CFAP58: variants seen among roughly 807,000 people sequenced by gnomAD.
CFAP58 encodes cilia and flagella associated protein 58.
CFAP58 carries 88 observed loss-of-function variants against 119.5 expected under a neutral mutation model. That is an observed-to-expected ratio of 0.74 (90% CI 0.62 to 0.88). The LOEUF (loss-of-function observed/expected upper bound fraction) is 0.88. Ranked by LOEUF, CFAP58 falls within the 40% of genes least tolerant of loss-of-function variation. The probability of loss-of-function intolerance (pLI) is 0.00; values close to 1 mark genes in which losing one functional copy is unlikely to be tolerated. For synonymous variants in CFAP58, 365 were observed against 366.3 expected (o/e 1.00, Z 0.04); for missense variants, 990 against 1,021.2 (o/e 0.97, Z 0.42).
chr10:104,393,974 T>G (rs1348783627), intron 11 of CFAP58, among the ~76,000 whole-genome samples: 1 of 152,228 alleles, frequency 6.6e-6, no homozygotes, highest in African/African-American at 2.4e-5. Flanking sequence ...CTGTTCTCAC[T>G]TGGTTTACCC....
chr10:104,452,540 T>C (rs905202132), intron 17 of CFAP58, among the ~76,000 whole-genome samples: 1 of 152,222 alleles, frequency 6.6e-6, no homozygotes, highest in Non-Finnish European at 1.5e-5. Context: ...GCCCCAAAGT[T>C]TGATGGACAC....
At position 104,358,363 on chromosome 10, in the gene CFAP58, T is replaced by C. The variant is rs1227484461; in HGVS notation, c.32T>C (p.Leu11Pro). The C allele has an allele frequency of 6.2e-6, 10 of 1,613,160 alleles. No homozygotes were observed. Among genetic ancestry groups the C allele is most frequent in the Non-Finnish European group, 7.6e-6 (9 of 1,179,536 alleles). Residue 11 changes from leucine to proline, a missense_variant, in exon 2 of 18, where the codon CTG becomes CCG. Physicochemically the swap from Leu to Pro is moderately conservative, Grantham distance 98. Transcript: ENST00000369704. ...TAGGAAAAGGGTGGAAAGCAAGTCC[T>C]GGAAGAATCTGCATTTGAAGAAATG... MAEEKGGKQV[L>P]EESAFEEMER...
intron 15 of CFAP58, among the ~76,000 whole-genome samples, chr10:104,409,545 A>G (rs2012424808): frequency 6.6e-6 from 1 of 152,052 alleles, no homozygotes. Flanking sequence ...TACTTTTCCT[A>G]ATTTTCTGTC....
chr10:104,409,486 C>G (rs1182628991), intron 15 of CFAP58, among the ~76,000 whole-genome samples: 1 of 152,056 alleles, frequency 6.6e-6, no homozygotes, highest in East Asian at 1.9e-4. Context: ...GTTCAGTGTT[C>G]TCTGTTTGTT....
At chr10:104,438,369 T>TTTTTTTG (rs1564904881) in intron 15 of CFAP58, among the ~76,000 whole-genome samples, 1 of 127,974 alleles carries the variant, frequency 7.8e-6, no homozygotes, top group Non-Finnish European at 1.6e-5. Context: ...TTGTTTTTTT[T>TTTTTTTG]TTTTGTTTTT....
At chr10:104,416,884 A>C (rs1490791806) in intron 15 of CFAP58, among the ~76,000 whole-genome samples, 1 of 152,170 alleles carries the variant, frequency 6.6e-6, no homozygotes, top group East Asian at 1.9e-4. Flanking sequence ...TGGTGTAAGA[A>C]CACTGTGGTC....
chr10:104,360,552 G>C (rs2014652813), intron 2 of CFAP58, among the ~76,000 whole-genome samples: 1 of 151,914 alleles, frequency 6.6e-6, no homozygotes, highest in African/African-American at 2.4e-5. Flanking sequence ...TGTCATGGGG[G>C]TTTGTTGTAC....
At chr10:104,352,332 G>T (rs2014469776), upstream of CFAP58, among the ~76,000 whole-genome samples, 1 of 152,140 alleles carries the variant, frequency 6.6e-6, no homozygotes, top group Non-Finnish European at 1.5e-5. Flanking sequence ...AGTACCCAGG[G>T]CTTGTACTAG....
chr10:104,420,913 C>T (rs965911363), intron 15 of CFAP58, among the ~76,000 whole-genome samples: 6 of 151,996 alleles, frequency 3.9e-5, no homozygotes, highest in East Asian at 3.9e-4. Context: ...CCCCCACACC[C>T]GGCTAATTTT....
chr10:104,380,295 T>A, intron 9 of CFAP58, 75 bp downstream of exon 9: 1 of 1,297,766 alleles, frequency 7.7e-7, no homozygotes, highest in Non-Finnish European at 1.1e-6. Flanking sequence ...TCACAAACTG[T>A]TGCAAAGAGA....
At chr10:104,354,012 A>G in intron 1 of CFAP58, 106 bp downstream of exon 1, 1 of 1,397,564 alleles carries the variant, frequency 7.2e-7, no homozygotes, top group Non-Finnish European at 1.0e-6. Flanking sequence ...CCCCCCATCA[A>G]CATCTTATTC....
intron 15 of CFAP58, among the ~76,000 whole-genome samples, chr10:104,431,381 T>C (rs2012844630): frequency 1.3e-5 from 2 of 152,196 alleles, no homozygotes; most frequent in African/African-American, 4.8e-5. Context: ...GGGATTTATA[T>C]TTGGAAAAAT....
At chr10:104,399,271 G>A (rs2012217862) in intron 11 of CFAP58, 89 bp from the exon 12 acceptor site, 1 of 1,417,652 alleles carries the variant, frequency 7.1e-7, no homozygotes, top group Non-Finnish European at 9.6e-7. Flanking sequence ...AGAGTAAGAA[G>A]CACAACTGTA....
rs143014335 is a variant in CFAP58, at chr10:104,364,845, G to A, written c.553G>A (p.Glu185Lys). 1 of 1,611,778 alleles carries A rather than the reference G, an allele frequency of 6.2e-7. No individual in the cohort carries two copies. Among genetic ancestry groups the A allele is most frequent in the Non-Finnish European group, 8.5e-7 (1 of 1,178,960 alleles). The change falls in exon 4 of 18, where the codon GAA becomes AAA. Residue 185 changes from glutamate to lysine, a missense_variant. Glu to Lys is a moderately conservative substitution (Grantham distance 56, BLOSUM62 1). Transcript: ENST00000369704. ...AGCTCAGACCACTGAACAGCAGCAG[G>A]AAACAGAGCGATCAAAAGAGGAGGC... ...SLAQTTEQQQETERSKEEAEH... is the reference protein window; with the variant it reads ...SLAQTTEQQQKTERSKEEAEH...
chr10:104,408,194 G>C (rs1353367093), intron 15 of CFAP58, among the ~76,000 whole-genome samples: 1 of 152,204 alleles, frequency 6.6e-6, no homozygotes, highest in Non-Finnish European at 1.5e-5. Flanking sequence ...TTCTCTTGTA[G>C]ATTACTGTGT....
chr10:104,376,801 G>A lies in CFAP58; in HGVS notation c.1091-10G>A. ...ACGTTTATTATTATTTTTTCTCCCT[G>A]GGGATTCAGAGGTAGAGGCTTCAAA... On this transcript the variant is annotated splice_polypyrimidine_tract_variant and intron_variant, in intron 7 of 17. Coordinates refer to ENST00000369704, the MANE Select transcript of CFAP58 (RefSeq NM_001008723.2). 1 of 1,607,858 alleles carries A rather than the reference G, an allele frequency of 6.2e-7. No homozygotes were observed. The highest frequency in any genetic ancestry group is 8.5e-7 in the Non-Finnish European group (1 of 1,175,610).
At chr10:104,400,524 T>A (rs1437202728) in intron 12 of CFAP58, among the ~76,000 whole-genome samples, 156 bp from the exon 13 acceptor site, 2 of 152,110 alleles carry the variant, frequency 1.3e-5, no homozygotes, top group Non-Finnish European at 2.9e-5. Flanking sequence ...AGGGGTCCAG[T>A]GTTGATTGTC....
At chr10:104,448,938 T>C (rs949319115) in intron 16 of CFAP58, among the ~76,000 whole-genome samples, 2 of 152,262 alleles carry the variant, frequency 1.3e-5, no homozygotes, top group Middle Eastern at 3.2e-3. Context: ...CCGGGTTGCC[T>C]TCAAAGGCTC....
intron 15 of CFAP58, among the ~76,000 whole-genome samples, chr10:104,412,821 C>A (rs2012482511): frequency 6.6e-6 from 1 of 152,184 alleles, no homozygotes; most frequent in South Asian, 2.1e-4. Context: ...CAGTACTGGG[C>A]ACACAGATGC....
Sources: gnomAD v4.1 joint callset for allele counts (sites outside exome capture counted in the v4.1 genomes callset) on GRCh38, gnomAD v4.1.1 for gene constraint, MANE v1.5 for transcripts, NCBI Gene and HGNC (gene_info 2026-07-23, HGNC 2026-07-21) for gene names.